The following QRICH2 variants were observed in gnomAD, a reference collection of about 807,000 sequenced individuals.
QRICH2 encodes glutamine rich 2.
A neutral mutation model predicts 168.3 loss-of-function variants in QRICH2; 119 were observed. The ratio of observed to expected loss-of-function variants is 0.71; its 90% CI spans 0.61 to 0.82. The LOEUF (loss-of-function observed/expected upper bound fraction) is 0.82. Ranked by LOEUF, QRICH2 falls within the 40% of genes least tolerant of loss-of-function variation. The pLI, the probability that QRICH2 is intolerant of heterozygous loss-of-function variation, is 0.00. For missense variants in QRICH2, 2,241 were observed against 2,491.6 expected (o/e 0.90, Z 2.14); for synonymous variants, 894 against 951.2 (o/e 0.94, Z 1.11).
chr17:76,301,813 C>A (rs1461799293), intron 3 of QRICH2, among the ~76,000 whole-genome samples: 3 of 147,810 alleles, frequency 2.0e-5, no homozygotes, highest in Admixed American at 6.9e-5. Context: ...ATAGATTCTC[C>A]TGCTTCAGCC....
At position 76,291,228 on chromosome 17, in the gene QRICH2, C is replaced by A. The variant is rs372304522; in HGVS notation, c.3499G>T (p.Glu1167Ter). ...SPDSVDRVLS[E>*]GSEVSSEVLS... ...ACTTCACTCGAGACTTCGCTCCCTT[C>A]TGATAAGACTCGGTCGACGGAGTCT... The change falls in exon 4 of 19, where the codon GAA (glutamate) becomes TAA (stop). Residue 1167 changes from glutamate (E) to a stop codon, truncating the protein, a stop_gained. Transcript: ENST00000680821. LOFTEE classifies it high-confidence loss of function. The A allele has an allele frequency of 2.5e-6, 4 of 1,614,094 alleles. No homozygotes were observed. In the African/African-American group the frequency reaches 5.3e-5, roughly 22 times the overall value.
chr17:76,291,069 C>T lies in QRICH2; in HGVS notation c.3658G>A (p.Glu1220Lys), dbSNP rs769674148. ...LKESMKDLDE[E>K]QAGQTDLEKI... is the part of the protein sequence containing the mutation. ...TCCAAGTCGGTTTGGCCGGCCTGCT[C>T]CTCATCCAGATCCTTCATACTCTCC... Residue 1220 changes from glutamate (E) to lysine (K), a missense_variant, in exon 4 of 19, where the codon GAG becomes AAG. Physicochemically the swap from Glu to Lys is moderately conservative, Grantham distance 56. This residue lies in a region of QRICH2 where 2,047 missense variants were observed against 2,303.8 expected (regional missense o/e 0.89). Transcript: ENST00000680821. 6.2e-7 allele frequency: 1 copy of T among 1,614,180 alleles called. No individual in the cohort carries two copies.
At position 76,293,074 on chromosome 17, in the gene QRICH2, C is replaced by A; in HGVS notation, c.1653G>T (p.Val551=). 6.2e-7 allele frequency: 1 copy of A among 1,614,172 alleles called. No homozygotes were observed. Among genetic ancestry groups the A allele is most frequent in the Non-Finnish European group, 8.5e-7 (1 of 1,180,022 alleles). The change falls in exon 4 of 19, where the codon GTG becomes GTT. Residue 551 remains valine (V), a synonymous_variant. Coordinates refer to ENST00000680821, the MANE Select transcript of QRICH2 (RefSeq NM_001388453.1). The part of the protein sequence containing the change: ...MPISADQQGF[V]QPSLEATGFI... ...AGCCAGTTGCTTCCAAACTGGGCTG[C>A]ACAAAACCTTGCTGATCTGCACTAA...
chr17:76,282,310 G>A (rs966460059), intron 7 of QRICH2, among the ~76,000 whole-genome samples, 195 bp from the exon 8 acceptor site: 4 of 152,190 alleles, frequency 2.6e-5, no homozygotes, highest in South Asian at 2.1e-4. Flanking sequence ...AGAGTTCTCC[G>A]AGAACACAGT....
intron 12 of QRICH2, 54 bp downstream of exon 12, chr17:76,279,979 G>T (rs2070756156): frequency 6.5e-7 from 1 of 1,539,334 alleles, no homozygotes; most frequent in Admixed American, 1.9e-5. Flanking sequence ...AGCCCCCTCT[G>T]CCCTCACCCC....
In QRICH2 at chr17:76,289,985, T is replaced by C. The variant is rs1260369327; in HGVS notation, c.3798+7A>G. 6.3e-7 allele frequency: 1 copy of C among 1,592,630 alleles called. No individual in the cohort carries two copies. Among genetic ancestry groups the C allele is most frequent in the Non-Finnish European group, 8.6e-7 (1 of 1,164,096 alleles). On this transcript the variant is annotated splice_region_variant and intron_variant, in intron 5 of 18. Coordinates refer to ENST00000680821, the MANE Select transcript of QRICH2 (RefSeq NM_001388453.1). ...AAAAAAGACAAAGTGGGTTGACTCT[T>C]CCTTACTTTTGCTTTCTCCTGCCAA...
At chr17:76,283,300 A>G (rs2070822196) in intron 7 of QRICH2, among the ~76,000 whole-genome samples, 1 of 152,242 alleles carries the variant, frequency 6.6e-6, no homozygotes, top group African/African-American at 2.4e-5. Context: ...ACAGCAGGAA[A>G]GAATAGGAGT....
intron 16 of QRICH2, 22 bp from the exon 17 acceptor site, chr17:76,276,789 G>A (rs768299350): frequency 1.2e-4 from 195 of 1,579,500 alleles, no homozygotes; most frequent in Non-Finnish European, 1.6e-4. Flanking sequence ...AACAGATACC[G>A]TCGCCACTGT....
chr17:76,288,660 G>A lies in QRICH2; in HGVS notation c.3799-763C>T, dbSNP rs536448037. On this transcript the variant is annotated intron_variant, in intron 5 of 18. Transcript: ENST00000680821. ...GCAGAGGTTGCAGTGAGCCGAGATCGCATCATTGCACTCTAGCCTGGGCAA... is the reference window on the plus strand; with the variant it reads ...GCAGAGGTTGCAGTGAGCCGAGATCACATCATTGCACTCTAGCCTGGGCAA... Among the ~76,000 whole-genome samples the A allele has an allele frequency of 1.5e-3, 235 of 151,946 alleles. 1 individual carries two copies. Among genetic ancestry groups the A allele is most frequent in the African/African-American group, 5.4e-3 (223 of 41,440 alleles).
chr17:76,276,246 G>A (rs950448530), intron 17 of QRICH2, among the ~76,000 whole-genome samples: 11 of 150,490 alleles, frequency 7.3e-5, no homozygotes, highest in African/African-American at 2.5e-4. Context: ...CTAGAAAGGC[G>A]CATACACAGC....
chr17:76,300,634 G>A (rs2070881860), intron 3 of QRICH2, among the ~76,000 whole-genome samples: 1 of 152,154 alleles, frequency 6.6e-6, no homozygotes, highest in South Asian at 2.1e-4. Flanking sequence ...CATGAGTAGA[G>A]GGCCAGGATT....
chr17:76,281,538 G>A lies in QRICH2; in HGVS notation c.4263+326C>T, dbSNP rs1404641941. 1.3e-5 allele frequency among the ~76,000 whole-genome samples: 2 copies of A among 152,202 alleles called. No individual in the cohort carries two copies. Among genetic ancestry groups the A allele is most frequent in the African/African-American group, 4.8e-5 (2 of 41,444 alleles). On this transcript the variant is annotated intron_variant, in intron 8 of 18. Transcript: ENST00000680821. The surrounding 1 kb of genome is among the most constrained non-coding windows in gnomAD (Gnocchi z 4.4). ...AGGGGTTGGAAGACTCGCGTGCCAG[G>A]GAGTCAACATCTCCTACAGTTGGGC... is the stretch of plus-strand genomic sequence containing the variant.
intron 1 of QRICH2, 47 bp from the exon 2 acceptor site, chr17:76,304,988 C>T (rs149607397): frequency 8.5e-6 from 11 of 1,296,138 alleles, no homozygotes; most frequent in East Asian, 2.3e-5. Context: ...CCCCTACACA[C>T]GCACACTCAC....
In QRICH2 at chr17:76,280,660, G is replaced by A; in HGVS notation, c.4455C>T (p.Ile1485=). 1 of 1,614,096 alleles carries A rather than the reference G, an allele frequency of 6.2e-7. No homozygotes were observed. Among genetic ancestry groups the A allele is most frequent in the Non-Finnish European group, 8.5e-7 (1 of 1,180,008 alleles). The stretch of plus-strand genomic sequence containing the variant: ...CCTGGGGCCTGGCACCCACCACATC[G>A]ATCTCCATCTCCAGGTGCTCCCTGT... The part of the protein sequence containing the change: ...KANREHLEME[I]DVKADKSALA... Residue 1485 remains isoleucine (I), a synonymous_variant, in exon 10 of 19, where the codon ATC becomes ATT. Coordinates refer to ENST00000680821, the MANE Select transcript of QRICH2 (RefSeq NM_001388453.1). This position sits in a 1 kb window ranked among gnomAD's most constrained non-coding sequence, Gnocchi z 7.4.
At chr17:76,306,168 C>CA (rs368182885) in intron 1 of QRICH2, among the ~76,000 whole-genome samples, 12,918 of 66,006 alleles carry the variant, frequency 0.2, 1,380 homozygotes, top group East Asian at 0.35. Context: ...GAATGTGTCT[C>CA]AAAAAAAAAA....
Position 76,284,168 on chromosome 17 carries a change from CAAAAAA to C in QRICH2, c.4012-2059_4012-2054del, listed in dbSNP as rs61553346. On this transcript the variant is annotated intron_variant, in intron 7 of 18. Transcript: ENST00000680821. Reference sequence around the variant, plus strand: ...GGGCAACAGAGCAAAACTCTGTCTCCAAAAAAAAAAAAAAAAAAAAAAAAAAAATGC... The same window carrying C: ...GGGCAACAGAGCAAAACTCTGTCTCCAAAAAAAAAAAAAAAAAAAAAATGC... Among the ~76,000 whole-genome samples, 11 of 62,758 alleles carry C rather than the reference CAAAAAA, an allele frequency of 1.8e-4. 1 individual carries two copies. Among genetic ancestry groups the C allele is most frequent in the African/African-American group, 4.4e-4 (4 of 9,164 alleles). The allele number at this position is 62,758 out of a possible 152,430, so 41.2% of individuals were successfully genotyped here. A position where few individuals can be genotyped will look rare whatever the true frequency, so the allele number is the denominator to read the frequency against.
rs1245513526 is a variant in QRICH2 at position 76,275,935 on chromosome 17, G to C, written c.5366C>G (p.Ser1789Ter). 6 of 1,607,790 alleles carry C rather than the reference G, an allele frequency of 3.7e-6. No homozygotes were observed. Among genetic ancestry groups the C allele is most frequent in the Admixed American group, 3.3e-5 (2 of 60,000 alleles). The change falls in exon 18 of 19, where the codon TCA becomes TGA. Residue 1789 changes from serine (S) to a stop codon, truncating the protein, a stop_gained. Coordinates refer to ENST00000680821, the MANE Select transcript of QRICH2 (RefSeq NM_001388453.1). LOFTEE classifies it high-confidence loss of function. ...CCTGGGCTGCTGGGACTTGCGCTTT[G>C]AGGTCCCTGAGCCTGATGGGGGACA... is the stretch of plus-strand genomic sequence containing the variant. ...GILRKDSSGT[S>*]KRKSQQPRPH...
chr17:76,282,768 G>A (rs867599111), intron 7 of QRICH2, among the ~76,000 whole-genome samples: 5 of 152,144 alleles, frequency 3.3e-5, no homozygotes, highest in South Asian at 2.1e-4. Flanking sequence ...AAGGGCAGCC[G>A]GTCCCTCAAC....
chr17:76,288,041 A>G (rs1676087631), intron 5 of QRICH2, 144 bp from the exon 6 acceptor site: 1 of 652,836 alleles, frequency 1.5e-6, no homozygotes, highest in African/African-American at 1.8e-5. Context: ...CCTTGTGGAC[A>G]TCCATCCGCC....
Sources: gnomAD v4.1 joint callset for allele counts (sites outside exome capture counted in the v4.1 genomes callset) on GRCh38, gnomAD v4.1.1 for gene constraint, gnomAD v4.1.1 regional missense constraint, Gnocchi (gnomAD v3.1) non-coding constraint, MANE v1.5 for transcripts, NCBI Gene and HGNC (gene_info 2026-07-23, HGNC 2026-07-21) for gene names.